Variants in GPR176 observed in about 807,000 individuals in gnomAD.
GPR176 encodes the protein G protein-coupled receptor 176.
GPR176 carries 26 observed loss-of-function variants against 35.4 expected under a neutral mutation model. That is an observed-to-expected ratio of 0.74 (90% CI 0.54 to 1.02). The LOEUF (loss-of-function observed/expected upper bound fraction) is 1.02. Among genes scored for constraint, GPR176 ranks in the 50% least tolerant of loss-of-function variants. The pLI, the probability that GPR176 is intolerant of heterozygous loss-of-function variation, is 0.00. For synonymous variants in GPR176, 278 were observed against 271.3 expected (o/e 1.02, Z -0.24); for missense variants, 597 against 665.3 (o/e 0.90, Z 1.13).
intron 1 of GPR176, among the ~76,000 whole-genome samples, chr15:39,870,903 T>G (rs2032019192): frequency 6.6e-6 from 1 of 152,074 alleles, no homozygotes; most frequent in African/African-American, 2.4e-5. Flanking sequence ...GAAATTGAAT[T>G]CTGCCAACAA....
chr15:39,893,493 A>T (rs1394550985), intron 1 of GPR176, among the ~76,000 whole-genome samples: 2 of 152,138 alleles, frequency 1.3e-5, no homozygotes, highest in South Asian at 4.1e-4. Context: ...AAAGTCTCCC[A>T]TGTCTACTTC....
At position 39,877,754 on chromosome 15, in the gene GPR176, G is replaced by A. The variant is rs549427409; in HGVS notation, c.172+42101C>T. Among the ~76,000 whole-genome samples the A allele has an allele frequency of 4.6e-5, 7 of 152,026 alleles. No individual in the cohort carries two copies. The South Asian group carries it at 1.5e-3, about 32-fold the overall frequency. On this transcript the variant is annotated intron_variant, in intron 1 of 2. Transcript: ENST00000561100. ...TTTTGTATTTTTTGGCAGAGATGGGGTTTCACAATATTAGCCAGGCTGGTC... is the reference window on the plus strand; with the variant it reads ...TTTTGTATTTTTTGGCAGAGATGGGATTTCACAATATTAGCCAGGCTGGTC...
chr15:39,892,868 T>C (rs117985642), intron 1 of GPR176, among the ~76,000 whole-genome samples: 1 of 152,306 alleles, frequency 6.6e-6, no homozygotes, highest in Non-Finnish European at 1.5e-5. Flanking sequence ...AGCCATTTGG[T>C]TTGTAGGAGT....
intron 1 of GPR176, among the ~76,000 whole-genome samples, chr15:39,906,760 T>C (rs2033433677): frequency 6.6e-6 from 1 of 152,252 alleles, no homozygotes; most frequent in South Asian, 2.1e-4. Context: ...GAAATTCATG[T>C]TTATTTTCAC....
chr15:39,900,632 G>C (rs1243112163), intron 1 of GPR176, among the ~76,000 whole-genome samples: 1 of 152,110 alleles, frequency 6.6e-6, no homozygotes, highest in Non-Finnish European at 1.5e-5. Context: ...TGGTCCTTCT[G>C]ATCACCCACT....
chr15:39,801,744 G>C lies in GPR176; in HGVS notation c.936C>G (p.Ser312=). 1 of 1,613,912 alleles carries C rather than the reference G, an allele frequency of 6.2e-7. No individual in the cohort carries two copies. Among genetic ancestry groups the C allele is most frequent in the Non-Finnish European group, 8.5e-7 (1 of 1,179,866 alleles). ...LLTAVWLPKV[S]LLANPVLFLT... is the part of the protein sequence containing the mutation. ...GAAAGAGAACAGGGTTTGCCAGCAGGGAGACTTTGGGCAGCCAAACAGCAG... is the reference window on the plus strand; with the variant it reads ...GAAAGAGAACAGGGTTTGCCAGCAGCGAGACTTTGGGCAGCCAAACAGCAG... Residue 312 remains serine (S), a synonymous_variant, in exon 3 of 3, where the codon TCC becomes TCG. Transcript: ENST00000561100.
intron 1 of GPR176, among the ~76,000 whole-genome samples, chr15:39,902,227 C>T (rs956409373): frequency 3.9e-5 from 6 of 152,188 alleles, no homozygotes; most frequent in African/African-American, 1.4e-4. Context: ...CAAGTACAAT[C>T]ACAAAAGAGG....
Position 39,893,354 on chromosome 15 carries a change from C to T in GPR176, c.172+26501G>A, listed in dbSNP as rs978802388. ...CATCTGTTTAACAAAGCACATCTTG[C>T]ACCGCCCTTAATCCATTTAACCCTG... On this transcript the variant is annotated intron_variant, in intron 1 of 2. Coordinates refer to ENST00000561100, the MANE Select transcript of GPR176 (RefSeq NM_007223.3). Among the ~76,000 whole-genome samples, 7 of 152,114 alleles carry T rather than the reference C, an allele frequency of 4.6e-5. No individual in the cohort carries two copies. The South Asian group carries it at 8.3e-4, about 18-fold the overall frequency.
At chr15:39,852,904 T>C (rs1468233284) in intron 1 of GPR176, among the ~76,000 whole-genome samples, 1 of 152,090 alleles carries the variant, frequency 6.6e-6, no homozygotes, top group African/African-American at 2.4e-5. Context: ...TTAAAAAATA[T>C]AAAAACAGAA....
chr15:39,913,626 A>G (rs934238317), intron 1 of GPR176, among the ~76,000 whole-genome samples: 8 of 152,128 alleles, frequency 5.3e-5, no homozygotes, highest in African/African-American at 1.4e-4. Context: ...TATTGAGGGG[A>G]AAAAGGCAGT....
intron 1 of GPR176, among the ~76,000 whole-genome samples, chr15:39,886,837 C>T (rs2032693603): frequency 6.6e-6 from 1 of 152,186 alleles, no homozygotes; most frequent in Non-Finnish European, 1.5e-5. Context: ...TAAGAGGGGG[C>T]TTTGTCCTTA....
chr15:39,878,162 A>T (rs913803823), intron 1 of GPR176, among the ~76,000 whole-genome samples: 2 of 135,178 alleles, frequency 1.5e-5, no homozygotes, highest in African/African-American at 5.5e-5. Flanking sequence ...CTCTCTTGGC[A>T]AATTTCAAGT....
At chr15:39,840,399 G>A (rs181126314) in intron 1 of GPR176, among the ~76,000 whole-genome samples, 21 of 152,162 alleles carry the variant, frequency 1.4e-4, no homozygotes, top group Admixed American at 6.5e-4. Flanking sequence ...ACCAAACACC[G>A]CATGTTCTCA....
intron 1 of GPR176, among the ~76,000 whole-genome samples, chr15:39,875,732 CAT>C (rs2032217883): frequency 6.6e-6 from 1 of 152,056 alleles, no homozygotes; most frequent in South Asian, 2.1e-4. Context: ...AAGTGAATAA[CAT>C]ATGTGAAAAT....
chr15:39,858,233 T>TAGGAAGAG (rs956426782), intron 1 of GPR176, among the ~76,000 whole-genome samples: 1 of 151,968 alleles, frequency 6.6e-6, no homozygotes, highest in African/African-American at 2.4e-5. Flanking sequence ...AAGGTCTGGG[T>TAGGAAGAG]AGGAAGAGAA....
At chr15:39,884,024 C>T (rs2032580711) in intron 1 of GPR176, among the ~76,000 whole-genome samples, 1 of 152,112 alleles carries the variant, frequency 6.6e-6, no homozygotes, top group Non-Finnish European at 1.5e-5. Context: ...ACATCTCTGC[C>T]CCAGAAGAGG....
At chr15:39,889,724 C>T (rs995869009) in intron 1 of GPR176, among the ~76,000 whole-genome samples, 8 of 152,126 alleles carry the variant, frequency 5.3e-5, no homozygotes, top group East Asian at 1.9e-4. Context: ...TTCACTGGGA[C>T]GCAAACTCCT....
chr15:39,845,874 T>C (rs1423252034), intron 1 of GPR176, among the ~76,000 whole-genome samples: 1 of 152,158 alleles, frequency 6.6e-6, no homozygotes, highest in East Asian at 1.9e-4. Context: ...AGAGTCTTAA[T>C]GTATTTTTGT....
chr15:39,920,090 C>A lies in GPR176; in HGVS notation c.-64G>T, dbSNP rs1367829904. The A allele has an allele frequency of 8.7e-7, 1 of 1,156,022 alleles. No individual in the cohort carries two copies. The highest frequency in any genetic ancestry group is 3.2e-5 in the East Asian group (1 of 31,154). The allele number at this position is 1,156,022 out of a possible 1,614,324, so 71.6% of individuals were successfully genotyped here. ...CGGAGCCCCGCGCGGAGCCTCTCCT[C>A]CTCCGGGTGAGGAGGGACGCGCGGG... On this transcript the variant is annotated 5_prime_UTR_variant, in exon 1 of 3. An upstream open reading frame in the 5' UTR gains an earlier in-frame stop. Transcript: ENST00000561100.
Sources: allele counts gnomAD v4.1 joint callset (sites outside exome capture counted in the v4.1 genomes callset), GRCh38; gene constraint gnomAD v4.1.1; transcripts MANE v1.5; gene names NCBI Gene and HGNC (gene_info 2026-07-23, HGNC 2026-07-21).